Variants in BACH2 observed in about 807,000 individuals in gnomAD.
BACH2 encodes transcription regulator protein BACH2.
In BACH2, 5 loss-of-function variants were observed where a neutral mutation model predicts 61.8. The observed-to-expected ratio is 0.08, with a 90% CI of 0.04 to 0.17. BACH2 has a LOEUF of 0.17. Ranked by LOEUF, BACH2 falls within the 10% of genes least tolerant of loss-of-function variation. The pLI is 1.00. For synonymous variants in BACH2, 446 were observed against 440.1 expected, an observed-to-expected ratio of 1.01 and a Z score of -0.17; for missense variants, 824 against 1,091.1, an observed-to-expected ratio of 0.76 and a Z score of 3.45.
intron 5 of BACH2, among the ~76,000 whole-genome samples, chr6:90,057,053 A>G (rs1296914306): frequency 6.6e-6 from 1 of 152,226 alleles, no homozygotes. Context: ...TAACGTCACA[A>G]TTAAAAGAAC....
At chr6:90,067,547 G>A (rs1230164381) in intron 5 of BACH2, among the ~76,000 whole-genome samples, 1 of 152,176 alleles carries the variant, frequency 6.6e-6, no homozygotes, top group Non-Finnish European at 1.5e-5. Context: ...CCACAGCAAC[G>A]GCAGGAGAGG....
At position 89,967,226 on chromosome 6, in the gene BACH2, G is replaced by T. The variant is rs528631727; in HGVS notation, c.244-15364C>A. ...AACATGGCTTGGGACTGTTATGAAA[G>T]ACCTCATTATTTATAGCTCGTAACT... is the stretch of plus-strand genomic sequence containing the variant. On this transcript the variant is annotated intron_variant, in intron 6 of 8. Transcript: ENST00000257749. Among the ~76,000 whole-genome samples the T allele has an allele frequency of 3.9e-5, 6 of 152,274 alleles. No individual in the cohort carries two copies. In the South Asian group the frequency reaches 1.0e-3, roughly 26 times the overall value.
intron 6 of BACH2, among the ~76,000 whole-genome samples, chr6:89,963,808 A>G (rs1340982850): frequency 1.3e-5 from 2 of 152,244 alleles, no homozygotes; most frequent in African/African-American, 4.8e-5. Context: ...AAAGCAACCC[A>G]AATTTCCATT....
At chr6:90,089,488 A>C (rs757137233) in intron 4 of BACH2, among the ~76,000 whole-genome samples, 7 of 152,110 alleles carry the variant, frequency 4.6e-5, no homozygotes, top group Admixed American at 2.0e-4. Flanking sequence ...TAAAAGACAC[A>C]TGTGGCCATT....
At chr6:90,093,303 A>G (rs1233351034) in intron 4 of BACH2, among the ~76,000 whole-genome samples, 7 of 152,112 alleles carry the variant, frequency 4.6e-5, no homozygotes, top group Non-Finnish European at 1.0e-4. Flanking sequence ...TTCCTACAGC[A>G]TGGGGGGAGA....
At chr6:89,973,735 A>G (rs1261658538) in intron 6 of BACH2, among the ~76,000 whole-genome samples, 1 of 151,790 alleles carries the variant, frequency 6.6e-6, no homozygotes, top group Non-Finnish European at 1.5e-5. Flanking sequence ...TGCCTAGAGG[A>G]GTCTTATTCT....
chr6:90,215,001 T>C (rs1769483883), intron 3 of BACH2, among the ~76,000 whole-genome samples: 1 of 152,206 alleles, frequency 6.6e-6, no homozygotes, highest in East Asian at 1.9e-4. Flanking sequence ...GTGATCCTCC[T>C]GTGTTGGCCT....
chr6:90,091,473 T>TG (rs748202264), intron 4 of BACH2, among the ~76,000 whole-genome samples: 2 of 152,136 alleles, frequency 1.3e-5, no homozygotes, highest in Non-Finnish European at 2.9e-5. Flanking sequence ...GAATTAGGAA[T>TG]GCTAAAGCAG....
chr6:90,231,607 G>A (rs1770097596), intron 3 of BACH2, among the ~76,000 whole-genome samples: 1 of 152,202 alleles, frequency 6.6e-6, no homozygotes, highest in African/African-American at 2.4e-5. Flanking sequence ...TCCCTGGGCT[G>A]CAAATTCTCA....
chr6:90,011,097 A>T (rs922359864), intron 5 of BACH2, among the ~76,000 whole-genome samples: 1 of 152,204 alleles, frequency 6.6e-6, no homozygotes, highest in African/African-American at 2.4e-5. Context: ...AAGCCAAAAA[A>T]CCATCTTGGT....
At chr6:90,242,940 C>T (rs374673985) in intron 3 of BACH2, among the ~76,000 whole-genome samples, 2 of 150,892 alleles carry the variant, frequency 1.3e-5, no homozygotes, top group East Asian at 1.9e-4. Context: ...AGTGCAATGG[C>T]GTGATCTTGG....
chr6:90,126,478 A>C (rs1783855867), intron 4 of BACH2, among the ~76,000 whole-genome samples: 1 of 152,192 alleles, frequency 6.6e-6, no homozygotes, highest in Non-Finnish European at 1.5e-5. Flanking sequence ...TTACGGGATG[A>C]AGAGGGGAGA....
At chr6:90,171,484 C>T (rs1053733433) in intron 4 of BACH2, among the ~76,000 whole-genome samples, 1 of 151,434 alleles carries the variant, frequency 6.6e-6, no homozygotes, top group African/African-American at 2.4e-5. Context: ...ATCCATGTGC[C>T]CTTTCCAAAT....
In BACH2 at chr6:90,222,239, C is replaced by A. The variant is rs150244830; in HGVS notation, c.-274-15558G>T. ...TATATTTGGAAAGCACAGGTTTAGC[C>A]CTTATTTTGCAGGCAGTGCAGACCA... On this transcript the variant is annotated intron_variant, in intron 3 of 8. Transcript: ENST00000257749. Among the ~76,000 whole-genome samples the A allele has an allele frequency of 4.1e-3, 624 of 152,238 alleles. 2 individuals are homozygous for A. The highest frequency in any genetic ancestry group is 9.7e-3 in the Admixed American group (149 of 15,294).
At chr6:90,256,936 A>G (rs1255202556) in intron 2 of BACH2, among the ~76,000 whole-genome samples, 1 of 152,170 alleles carries the variant, frequency 6.6e-6, no homozygotes, top group African/African-American at 2.4e-5. Context: ...GCATATTTGA[A>G]ATTTTTTTGG....
chr6:90,164,312 G>A (rs1340172468), intron 4 of BACH2, among the ~76,000 whole-genome samples: 1 of 152,156 alleles, frequency 6.6e-6, no homozygotes, highest in Admixed American at 6.5e-5. Context: ...TGAAAATCTA[G>A]AAGAAATGGA....
rs16882293 is a variant in BACH2, at chr6:89,964,594, A to C, written c.244-12732T>G. 6.8e-3 allele frequency among the ~76,000 whole-genome samples: 1,036 copies of C among 152,296 alleles called. 45 individuals are homozygous for C. Among genetic ancestry groups the C allele is most frequent in the Admixed American group, 0.059 (900 of 15,290 alleles). On this transcript the variant is annotated intron_variant, in intron 6 of 8. Coordinates refer to ENST00000257749, the MANE Select transcript of BACH2 (RefSeq NM_021813.4). Reference sequence around the variant, plus strand: ...CTTATTAATTCCTTTTAGCCAGATTACGACCCGAATAGCAGTTCTACCTTT... The same window carrying C: ...CTTATTAATTCCTTTTAGCCAGATTCCGACCCGAATAGCAGTTCTACCTTT...
intron 5 of BACH2, among the ~76,000 whole-genome samples, chr6:90,035,510 C>T (rs974824659): frequency 6.6e-6 from 1 of 152,090 alleles, no homozygotes; most frequent in African/African-American, 2.4e-5. Context: ...CCTTAAGTAT[C>T]TGACTAACTT....
intron 4 of BACH2, among the ~76,000 whole-genome samples, chr6:90,156,069 G>A (rs1403720753): frequency 1.3e-5 from 2 of 152,146 alleles, no homozygotes; most frequent in Non-Finnish European, 2.9e-5. Flanking sequence ...GCTATCTGAT[G>A]AAGCAGTGAC....
Sources: allele counts gnomAD v4.1 joint callset (sites outside exome capture counted in the v4.1 genomes callset), GRCh38; gene constraint gnomAD v4.1.1; transcripts MANE v1.5; gene names NCBI Gene and HGNC (gene_info 2026-07-23, HGNC 2026-07-21).